SLC35D1: variants seen among roughly 807,000 people sequenced by gnomAD.
The protein encoded by SLC35D1 is solute carrier family 35 member D1, also known as nucleotide sugar transporter SLC35D1.
In SLC35D1, 31 loss-of-function variants were observed where a neutral mutation model predicts 46.7. The ratio of observed to expected loss-of-function variants is 0.66; its 90% confidence interval spans 0.50 to 0.90. The LOEUF (loss-of-function observed/expected upper bound fraction) is 0.90. SLC35D1 is among the 40% of genes least tolerant of loss of function. The pLI is 0.00. For missense variants in SLC35D1, 397 were observed against 426.2 expected (o/e 0.93, Z 0.60); for synonymous variants, 195 against 164.6 (o/e 1.18, Z -1.41).
At chr1:66,985,993 C>A in the SLC35D1 span, 4 of 988,542 alleles carry the variant, frequency 4.0e-6, no homozygotes, top group Non-Finnish European at 4.8e-6. Context: ...ATCATGCTGA[C>A]CAGAATCCTG....
At chr1:67,007,702 T>C (rs1667480840) in intron 11 of SLC35D1, among the ~76,000 whole-genome samples, 1 of 152,136 alleles carries the variant, frequency 6.6e-6, no homozygotes, top group Admixed American at 6.5e-5. Flanking sequence ...AAAGGAACTA[T>C]AATTTGCTCT....
At chr1:66,977,234 C>T in the SLC35D1 span, among the ~76,000 whole-genome samples, 1 of 151,830 alleles carries the variant, frequency 6.6e-6, no homozygotes, top group Non-Finnish European at 1.5e-5. Context: ...CTCAGCCTCC[C>T]GAGTAGCTGG....
the SLC35D1 span, chr1:66,976,580 A>C: frequency 2.6e-6 from 4 of 1,548,082 alleles, no homozygotes; most frequent in Non-Finnish European, 3.5e-6. Flanking sequence ...AAAAGCAAGC[A>C]TTTGTTTCTT....
At position 67,053,999 on chromosome 1, in the gene SLC35D1, A is replaced by G. The variant is rs577838166; in HGVS notation, c.15T>C (p.His5=). 8.6e-5 allele frequency: 138 copies of G among 1,610,760 alleles called. No homozygotes were observed. In the East Asian group the frequency reaches 2.1e-3, roughly 25 times the overall value. Residue 5 remains histidine (H), a synonymous_variant, in exon 1 of 12, where the codon CAT becomes CAC. Transcript: ENST00000235345. Reference sequence around the variant, plus strand: ...CTTTAACCCGAGCATGCTGACGTCTATGAACTTCCGCCATGGCTGCCGCAG... The same window carrying G: ...CTTTAACCCGAGCATGCTGACGTCTGTGAACTTCCGCCATGGCTGCCGCAG... The part of the protein sequence containing the change: MAEV[H]RRQHARVKGE...
At chr1:66,975,164 A>G in the SLC35D1 span, among the ~76,000 whole-genome samples, 423 of 152,342 alleles carry the variant, frequency 2.8e-3, 24 homozygotes, top group South Asian at 0.084. Context: ...ATTTACTTCA[A>G]GAGCAGAAAT....
At chr1:66,997,537 T>TATATATATATATATATAA (rs1247400741), downstream of SLC35D1, among the ~76,000 whole-genome samples, 7 of 133,312 alleles carry the variant, frequency 5.3e-5, no homozygotes, top group East Asian at 1.4e-3. Flanking sequence ...TATATATATA[T>TATATATATATATATATAA]AACCCCTTTA....
intron 5 of SLC35D1, among the ~76,000 whole-genome samples, chr1:67,050,154 T>A (rs974725170): frequency 6.6e-6 from 1 of 152,188 alleles, no homozygotes; most frequent in Non-Finnish European, 1.5e-5. Flanking sequence ...GAACACTATT[T>A]AAAACCTATA....
Position 67,001,217 on chromosome 1 carries a change from A to C in SLC35D1, c.*3123T>G, listed in dbSNP as rs2102218899. 1 of 152,336 alleles carries C rather than the reference A, an allele frequency of 6.6e-6. No homozygotes were observed. The highest frequency in any genetic ancestry group is 1.5e-5 in the Non-Finnish European group (1 of 68,028). The allele number at this position is 152,336 out of a possible 1,614,324, so 9.4% of individuals were successfully genotyped here. ...TCAAACCAACTCAATGTGAAACTCC[A>C]CTGTTTCTCCGTGAGGATCCTGCAC... On this transcript the variant is annotated 3_prime_UTR_variant, in exon 12 of 12. Coordinates refer to ENST00000235345, the MANE Select transcript of SLC35D1 (RefSeq NM_015139.3).
At chr1:66,974,935 G>A in the SLC35D1 span, among the ~76,000 whole-genome samples, 1 of 152,222 alleles carries the variant, frequency 6.6e-6, no homozygotes, top group Admixed American at 6.5e-5. Flanking sequence ...TTTCAGTAAA[G>A]TACAGTTGAC....
At chr1:67,029,925 A>G (rs2102308956) in intron 8 of SLC35D1, among the ~76,000 whole-genome samples, 1 of 152,252 alleles carries the variant, frequency 6.6e-6, no homozygotes, top group East Asian at 1.9e-4. Flanking sequence ...ATTAAGGTAT[A>G]GTTAACAAAA....
chr1:66,991,802 T>TA, the SLC35D1 span, among the ~76,000 whole-genome samples: 23 of 151,882 alleles, frequency 1.5e-4, no homozygotes, highest in South Asian at 4.8e-3. Flanking sequence ...AGCTTTTTTT[T>TA]TTATATCATA....
At chr1:67,012,894 C>T (rs989022117) in intron 10 of SLC35D1, among the ~76,000 whole-genome samples, 1 of 151,846 alleles carries the variant, frequency 6.6e-6, no homozygotes, top group African/African-American at 2.4e-5. Context: ...TTTTGGGGTA[C>T]CCATTCACCT....
chr1:67,019,469 C>T (rs1267163386), intron 10 of SLC35D1, among the ~76,000 whole-genome samples: 1 of 152,234 alleles, frequency 6.6e-6, no homozygotes. Context: ...TTTGAAACCA[C>T]AGACTTTCTG....
chr1:66,986,913 T>G, the SLC35D1 span: 1 of 137,230 alleles, frequency 7.3e-6, no homozygotes, highest in African/African-American at 3.1e-5. Context: ...TTTTAAAGAT[T>G]AGGGATGCTG....
At chr1:66,990,809 C>T in the SLC35D1 span, among the ~76,000 whole-genome samples, 4 of 152,174 alleles carry the variant, frequency 2.6e-5, no homozygotes, top group African/African-American at 7.2e-5. Flanking sequence ...TCTCATAGCA[C>T]TTGTCCCAGG....
chr1:67,042,976 T>A (rs971588866), intron 7 of SLC35D1, among the ~76,000 whole-genome samples: 3 of 152,126 alleles, frequency 2.0e-5, no homozygotes, highest in Non-Finnish European at 4.4e-5. Flanking sequence ...GGCAGGCAGA[T>A]CACCTGAGGT....
downstream of SLC35D1, among the ~76,000 whole-genome samples, chr1:66,999,165 T>G (rs558769849): frequency 2.6e-5 from 4 of 152,260 alleles, no homozygotes; most frequent in African/African-American, 9.6e-5. Flanking sequence ...ACAGAAAGAT[T>G]AGCACTTCCT....
chr1:66,991,793 G>GT, the SLC35D1 span, among the ~76,000 whole-genome samples: 119 of 139,862 alleles, frequency 8.5e-4, no homozygotes, highest in African/African-American at 3.7e-3. Context: ...AATATTTACA[G>GT]CTTTTTTTTT....
intron 6 of SLC35D1, among the ~76,000 whole-genome samples, chr1:67,049,277 G>C (rs1017352528): frequency 2.7e-5 from 4 of 150,290 alleles, no homozygotes; most frequent in South Asian, 2.1e-4. Flanking sequence ...CTGGGCGACA[G>C]AGCAAGACTC....
Sources: allele counts gnomAD v4.1 joint callset (sites outside exome capture counted in the v4.1 genomes callset), GRCh38; gene constraint gnomAD v4.1.1; transcripts MANE v1.5; gene names NCBI Gene and HGNC (gene_info 2026-07-23, HGNC 2026-07-21).